FBXO34: variants seen among roughly 807,000 people sequenced by gnomAD.
The protein encoded by FBXO34 is F-box only protein 34.
A neutral mutation model predicts 24.5 loss-of-function variants in FBXO34; 12 were observed. The observed-to-expected ratio is 0.49, with a 90% CI of 0.31 to 0.79. The LOEUF (loss-of-function observed/expected upper bound fraction) is 0.79. FBXO34 is among the 30% of genes least tolerant of loss of function. The pLI is 0.04. For missense variants in FBXO34, 823 were observed against 857.7 expected (o/e 0.96, Z 0.51); for synonymous variants, 320 against 311.9 (o/e 1.03, Z -0.27).
chr14:55,423,803 C>T, the FBXO34 span, among the ~76,000 whole-genome samples: 1 of 152,124 alleles, frequency 6.6e-6, no homozygotes, highest in Admixed American at 6.5e-5. Context: ...TAGTATTTGG[C>T]CCTTTCCAGA....
the FBXO34 span, among the ~76,000 whole-genome samples, chr14:55,415,852 C>G: frequency 3.9e-5 from 6 of 151,910 alleles, no homozygotes; most frequent in Non-Finnish European, 7.4e-5. Context: ...GGCGACACAG[C>G]GAGACTCTGT....
chr14:55,414,257 C>T, the FBXO34 span: 66 of 711,092 alleles, frequency 9.3e-5, no homozygotes, highest in Middle Eastern at 2.7e-4. Flanking sequence ...TACACAGAGT[C>T]GCCCTTTAAT....
intron 1 of FBXO34, among the ~76,000 whole-genome samples, chr14:55,286,228 A>C (rs1315554607): frequency 1.3e-5 from 2 of 152,170 alleles, no homozygotes; most frequent in Non-Finnish European, 2.9e-5. Flanking sequence ...TGGTTTATTA[A>C]AGTAAGAGTG....
At chr14:55,302,336 A>T (rs1882385838) in intron 1 of FBXO34, among the ~76,000 whole-genome samples, 1 of 152,130 alleles carries the variant, frequency 6.6e-6, no homozygotes, top group African/African-American at 2.4e-5. Flanking sequence ...GATAATTGTC[A>T]TCTGTTAGTT....
intron 1 of FBXO34, among the ~76,000 whole-genome samples, chr14:55,312,958 C>T (rs1440251285): frequency 1.3e-5 from 2 of 152,348 alleles, no homozygotes; most frequent in Middle Eastern, 3.4e-3. Context: ...TTGTAGCTGG[C>T]TTGAATTTCT....
At chr14:55,341,816 C>T (rs76661873) in intron 1 of FBXO34, among the ~76,000 whole-genome samples, 1 of 152,096 alleles carries the variant, frequency 6.6e-6, no homozygotes, top group African/African-American at 2.4e-5. Flanking sequence ...TAGGAAATGA[C>T]TACGGATTAA....
the FBXO34 span, among the ~76,000 whole-genome samples, chr14:55,437,791 C>G: frequency 6.6e-6 from 1 of 152,148 alleles, no homozygotes; most frequent in Non-Finnish European, 1.5e-5. Flanking sequence ...TAGTTGAATG[C>G]TAATCAAGAC....
At chr14:55,358,408 G>A (rs534702194), downstream of FBXO34, among the ~76,000 whole-genome samples, 1 of 152,274 alleles carries the variant, frequency 6.6e-6, no homozygotes, top group East Asian at 1.9e-4. Context: ...GCCCATGGCA[G>A]GAACACAGAG....
In FBXO34 at chr14:55,274,902, C is replaced by T. The variant is rs567371477; in HGVS notation, c.-11+3365C>T. The stretch of plus-strand genomic sequence containing the variant: ...GCTACTATGGTATGATGAATGCCTT[C>T]CTTGTTAGGTCATGTGTGACAAAGG... On this transcript the variant is annotated intron_variant, in intron 1 of 1. Transcript: ENST00000313833. Among the ~76,000 whole-genome samples the T allele has an allele frequency of 3.9e-5, 6 of 152,310 alleles. No homozygotes were observed. The South Asian group carries it at 1.0e-3, about 26-fold the overall frequency.
intron 1 of FBXO34, chr14:55,282,734 C>G (rs542689976): frequency 2.0e-5 from 3 of 152,300 alleles, no homozygotes; most frequent in African/African-American, 7.2e-5. Context: ...TTAGCAGATT[C>G]ATTTGTAGGA....
At chr14:55,424,191 A>G in the FBXO34 span, 2 of 1,613,530 alleles carry the variant, frequency 1.2e-6, no homozygotes. Flanking sequence ...TACAAAGATA[A>G]GCAACACAAT....
the FBXO34 span, among the ~76,000 whole-genome samples, chr14:55,409,967 A>G: frequency 1.3e-5 from 2 of 151,806 alleles, no homozygotes; most frequent in Non-Finnish European, 2.9e-5. Context: ...GATTTAAGAT[A>G]AGTTTTGAAG....
At position 55,306,853 on chromosome 14, in the gene FBXO34, A is replaced by AAAAC. The variant is rs1555336753; in HGVS notation, c.-11+35319_-11+35320insCAAA. On this transcript the variant is annotated intron_variant, in intron 1 of 1. Coordinates refer to ENST00000313833, the MANE Select transcript of FBXO34 (RefSeq NM_017943.4). ...ATCTCAAAACAAAACAAAACAAAAC[A>AAAAC]AAAAACAGGCCATATTTAGGTCTTA... Among the ~76,000 whole-genome samples, 50 of 152,144 alleles carry AAAAC rather than the reference A, an allele frequency of 3.3e-4. 1 individual carries two copies. The highest frequency in any genetic ancestry group is 1.2e-3 in the African/African-American group (49 of 41,500).
chr14:55,295,091 C>T (rs1766054466), intron 1 of FBXO34, among the ~76,000 whole-genome samples: 2 of 152,142 alleles, frequency 1.3e-5, no homozygotes, highest in African/African-American at 2.4e-5. Context: ...ATTTGAAGTG[C>T]AGTTTCTACT....
the FBXO34 span, among the ~76,000 whole-genome samples, chr14:55,417,939 A>G: frequency 6.6e-6 from 1 of 152,208 alleles, no homozygotes; most frequent in Non-Finnish European, 1.5e-5. Flanking sequence ...CAGGAAAATA[A>G]ATTACTTAAC....
intron 1 of FBXO34, among the ~76,000 whole-genome samples, chr14:55,338,300 C>T (rs1275434667): frequency 1.3e-5 from 2 of 151,794 alleles, no homozygotes; most frequent in Non-Finnish European, 2.9e-5. Context: ...CTGCCCGCCT[C>T]GGCCTCCCAA....
intron 1 of FBXO34, among the ~76,000 whole-genome samples, chr14:55,305,679 A>G (rs2139726017): frequency 6.6e-6 from 1 of 152,248 alleles, no homozygotes; most frequent in South Asian, 2.1e-4. Flanking sequence ...AAAAAAAAAA[A>G]AAGTCTTAAA....
At chr14:55,438,515 G>A in the FBXO34 span, among the ~76,000 whole-genome samples, 21 of 152,180 alleles carry the variant, frequency 1.4e-4, no homozygotes, top group African/African-American at 4.6e-4. Context: ...GTCTCCTCCC[G>A]CAATTTACGC....
rs960339412 is a variant in FBXO34 at position 55,271,651 on chromosome 14, CGGGGCGGGTGGGGGTG to C, written c.-11+123_-11+138del. The C allele has an allele frequency of 2.0e-4, 29 of 148,610 alleles. No individual in the cohort carries two copies. The East Asian group carries it at 3.2e-3, about 16-fold the overall frequency. 9.2% of individuals were successfully genotyped at this position (148,610 alleles called of 1,614,324 possible). ...GCCGCCTGCCTGCGCTCCCGGGGCG[CGGGGCGGGTGGGGGTG>C]GGGGCGGGGGCGCCGCCCGCGGGTC... On this transcript the variant is annotated intron_variant, in intron 1 of 1. Transcript: ENST00000313833.
Sources: gnomAD v4.1 joint callset for allele counts (sites outside exome capture counted in the v4.1 genomes callset) on GRCh38, gnomAD v4.1.1 for gene constraint, MANE v1.5 for transcripts, NCBI Gene and HGNC (gene_info 2026-07-23, HGNC 2026-07-21) for gene names.